The following STAM variants were observed in gnomAD, a reference collection of about 807,000 sequenced individuals.
The protein encoded by STAM is signal transducing adaptor molecule.
A neutral mutation model predicts 63.4 loss-of-function variants in STAM; 16 were observed. The observed-to-expected ratio is 0.25, with a 90% CI of 0.17 to 0.38. STAM has a LOEUF of 0.38. Among genes scored for constraint, STAM ranks in the 10% least tolerant of loss-of-function variants. The pLI, the probability that STAM is intolerant of heterozygous loss-of-function variation, is 1.00. For synonymous variants in STAM, 238 were observed against 223.9 expected (o/e 1.06, Z -0.56); for missense variants, 636 against 657.1 (o/e 0.97, Z 0.35).
At chr10:17,690,291 A>G (rs782602805) in intron 5 of STAM, among the ~76,000 whole-genome samples, 38 of 152,248 alleles carry the variant, frequency 2.5e-4, no homozygotes, top group Non-Finnish European at 5.1e-4. Flanking sequence ...TGCTGGCAAG[A>G]GCATTATGTC....
chr10:17,682,268 T>A (rs1554825474), intron 2 of STAM, among the ~76,000 whole-genome samples: 1 of 152,210 alleles, frequency 6.6e-6, no homozygotes, highest in Admixed American at 6.5e-5. Context: ...GCACTAAATG[T>A]GTTTCTAAGA....
At chr10:17,688,321 G>C (rs1835379697) in intron 5 of STAM, 148 bp downstream of exon 5, 2 of 687,232 alleles carry the variant, frequency 2.9e-6, no homozygotes, top group Non-Finnish European at 4.5e-6. Context: ...TAGTTGTATT[G>C]CTAGTTAGTA....
At chr10:17,676,073 C>A (rs1301118197) in intron 2 of STAM, among the ~76,000 whole-genome samples, 1 of 152,008 alleles carries the variant, frequency 6.6e-6, no homozygotes, top group African/African-American at 2.4e-5. Context: ...GCCCTAAGAG[C>A]TTCAAGTTCT....
intron 8 of STAM, among the ~76,000 whole-genome samples, chr10:17,697,416 C>A (rs1289276289): frequency 6.6e-6 from 1 of 151,980 alleles, no homozygotes; most frequent in African/African-American, 2.4e-5. Context: ...GTGTGTAGTC[C>A]CAGACTTGAA....
chr10:17,648,964 T>A (rs1387567389), intron 1 of STAM, among the ~76,000 whole-genome samples: 2 of 152,192 alleles, frequency 1.3e-5, no homozygotes, highest in Non-Finnish European at 2.9e-5. Context: ...TCCAAGCTCA[T>A]TCCTGCCTCT....
At chr10:17,661,433 TA>T (rs1554822868) in intron 2 of STAM, among the ~76,000 whole-genome samples, 1 of 152,228 alleles carries the variant, frequency 6.6e-6, no homozygotes, top group South Asian at 2.1e-4. Flanking sequence ...ATTCATTTTT[TA>T]TTTCTAAGAT....
chr10:17,688,081 G>GAATT lies in STAM; in HGVS notation c.353_356dup (p.Phe119LeufsTer3), dbSNP rs1835368557. 6.2e-7 allele frequency: 1 copy of GAATT among 1,609,642 alleles called. No homozygotes were observed. The highest frequency in any genetic ancestry group is 8.5e-7 in the Non-Finnish European group (1 of 1,178,034). On this transcript the variant is annotated frameshift_variant, in exon 5 of 14. Coordinates refer to ENST00000377524, the MANE Select transcript of STAM (RefSeq NM_003473.4). LOFTEE classifies it high-confidence loss of function. ...GGCTCTTATGGTTGAATGGACAGAT[G>GAATT]AATTTAAGAATGATCCACAGCTTAG...
chr10:17,705,253 C>T (rs558774715), intron 11 of STAM, among the ~76,000 whole-genome samples: 3 of 152,142 alleles, frequency 2.0e-5, no homozygotes, highest in East Asian at 1.9e-4. Context: ...GTAGATAGGT[C>T]GTTTTAAAAA....
At position 17,716,591 on chromosome 10, in the gene STAM, TC is replaced by T. The variant is rs1836825330; in HGVS notation, c.*1812del. Among the ~76,000 whole-genome samples the T allele has an allele frequency of 6.6e-6, 1 of 152,232 alleles. No individual in the cohort carries two copies. The highest frequency in any genetic ancestry group is 2.1e-4 in the South Asian group (1 of 4,838). On this transcript the variant is annotated 3_prime_UTR_variant, in exon 14 of 14. Coordinates refer to ENST00000377524, the MANE Select transcript of STAM (RefSeq NM_003473.4). ...AACTGATATACTTTTCTGCAATTTTTCTTTGTCTTTTGATAAATTCCTGTTT... is the reference window on the plus strand; with the variant it reads ...AACTGATATACTTTTCTGCAATTTTTTTTGTCTTTTGATAAATTCCTGTTT...
At chr10:17,649,852 A>G (rs535850960) in intron 1 of STAM, among the ~76,000 whole-genome samples, 63 of 152,272 alleles carry the variant, frequency 4.1e-4, no homozygotes, top group South Asian at 8.3e-4. Flanking sequence ...GCCTCAAGTG[A>G]TCTGCCTGCC....
At chr10:17,684,782 A>T in intron 3 of STAM, 32 bp downstream of exon 3, 1 of 1,613,646 alleles carries the variant, frequency 6.2e-7, no homozygotes, top group African/African-American at 1.3e-5. Flanking sequence ...TGTACCACGA[A>T]ATTACCTGCC....
chr10:17,704,590 G>A, intron 10 of STAM, 72 bp downstream of exon 10: 2 of 1,264,634 alleles, frequency 1.6e-6, no homozygotes, highest in Non-Finnish European at 2.3e-6. Context: ...GTTAAAGAAT[G>A]GGTTTTGAGG....
At chr10:17,661,528 T>C (rs1219027776) in intron 2 of STAM, among the ~76,000 whole-genome samples, 4 of 152,240 alleles carry the variant, frequency 2.6e-5, no homozygotes, top group Non-Finnish European at 4.4e-5. Context: ...AGCACTAGTC[T>C]TATGGACACT....
chr10:17,684,559 T>C, intron 2 of STAM, 116 bp from the exon 3 acceptor site: 2 of 696,460 alleles, frequency 2.9e-6, no homozygotes, highest in South Asian at 2.7e-5. Flanking sequence ...AAAAATTAAA[T>C]TTCCCTACTT....
rs1255629229 is a variant in STAM at position 17,688,060 on chromosome 10, C to T, written c.331C>T (p.Leu111Phe). 1 of 1,603,986 alleles carries T rather than the reference C, an allele frequency of 6.2e-7. No individual in the cohort carries two copies. The highest frequency in any genetic ancestry group is 1.3e-5 in the African/African-American group (1 of 74,460). The change falls in exon 5 of 14, where the codon CTT (leucine) becomes TTT (phenylalanine). Residue 111 changes from leucine (L) to phenylalanine (F), a missense_variant. Leu to Phe is a conservative substitution (Grantham distance 22, BLOSUM62 0). This residue lies in a region of STAM where 532 missense variants were observed against 536.9 expected (regional missense o/e 0.99). Coordinates refer to ENST00000377524, the MANE Select transcript of STAM (RefSeq NM_003473.4). ...TAAAGTATGTGAAAAATTAAAGGCT[C>T]TTATGGTTGAATGGACAGATGAATT... ...HPKVCEKLKA[L>F]MVEWTDEFKN...
intron 1 of STAM, among the ~76,000 whole-genome samples, chr10:17,650,997 G>A (rs1367720738): frequency 1.3e-5 from 2 of 150,084 alleles, no homozygotes; most frequent in African/African-American, 2.5e-5. Context: ...CCTGGGAGGC[G>A]GAGCTTGCGG....
At chr10:17,673,198 C>G (rs1199438170) in intron 2 of STAM, 1 of 185,090 alleles carries the variant, frequency 5.4e-6, no homozygotes, top group Non-Finnish European at 1.0e-5. Context: ...ATCCTCTGTT[C>G]CTCCCAGCAC....
chr10:17,692,559 A>G (rs964074160), intron 5 of STAM, among the ~76,000 whole-genome samples: 14 of 152,222 alleles, frequency 9.2e-5, no homozygotes, highest in Non-Finnish European at 1.3e-4. Flanking sequence ...CTTGAATGCT[A>G]TGCAAAAACT....
intron 1 of STAM, among the ~76,000 whole-genome samples, chr10:17,655,752 C>T (rs1833912106): frequency 6.6e-6 from 1 of 152,102 alleles, no homozygotes; most frequent in Non-Finnish European, 1.5e-5. Flanking sequence ...TGGTATGAGT[C>T]ATTTCCACTG....
Sources: gnomAD v4.1 joint callset for allele counts (sites outside exome capture counted in the v4.1 genomes callset) on GRCh38, gnomAD v4.1.1 for gene constraint, gnomAD v4.1.1 regional missense constraint, MANE v1.5 for transcripts, NCBI Gene and HGNC (gene_info 2026-07-23, HGNC 2026-07-21) for gene names.